TMEM108: variants seen among roughly 807,000 people sequenced by gnomAD.
TMEM108 encodes transmembrane protein 108.
A neutral mutation model predicts 35.1 loss-of-function variants in TMEM108; 12 were observed. The observed-to-expected ratio is 0.34, with a 90% confidence interval of 0.22 to 0.55. The LOEUF is 0.55. Ranked by LOEUF, TMEM108 falls within the 20% of genes least tolerant of loss-of-function variation. The pLI, the probability that TMEM108 is intolerant of heterozygous loss-of-function variation, is 0.89. For missense variants in TMEM108, 680 were observed against 753.3 expected (o/e 0.90, Z 1.14); for synonymous variants, 287 against 308.6 (o/e 0.93, Z 0.73).
intron 2 of TMEM108, among the ~76,000 whole-genome samples, chr3:133,149,899 A>T (rs904719071): frequency 2.0e-5 from 3 of 152,162 alleles, no homozygotes; most frequent in Admixed American, 2.0e-4. Flanking sequence ...CTCAGTGGAC[A>T]CTTAGGTTGT....
chr3:133,082,626 A>G (rs770015348), intron 2 of TMEM108, among the ~76,000 whole-genome samples: 5 of 151,980 alleles, frequency 3.3e-5, no homozygotes, highest in African/African-American at 4.8e-5. Flanking sequence ...TTGTTTGCCA[A>G]GCGCTATTTT....
At chr3:133,395,650 C>T (rs1018244658) in intron 5 of TMEM108, among the ~76,000 whole-genome samples, 1 of 151,834 alleles carries the variant, frequency 6.6e-6, no homozygotes, top group Non-Finnish European at 1.5e-5. Context: ...AAGAACAGCA[C>T]AAAAATTAAA....
intron 2 of TMEM108, among the ~76,000 whole-genome samples, chr3:133,150,223 A>T (rs954321614): frequency 6.6e-6 from 1 of 151,566 alleles, no homozygotes; most frequent in South Asian, 2.1e-4. Context: ...TTTGATTTGC[A>T]TTTCTATGAT....
rs1370529143 is a variant in TMEM108, at chr3:133,362,122, ATGAGGG to A, written c.41-17628_41-17623del. On this transcript the variant is annotated intron_variant, in intron 3 of 5. Coordinates refer to ENST00000321871, the MANE Select transcript of TMEM108 (RefSeq NM_023943.4). ...TGCTTGCCCTTCCTGCTGTGGGGAGATGAGGGTCACAGACCCAAGGATACTTCCAGG... is the reference window on the plus strand; with the variant it reads ...TGCTTGCCCTTCCTGCTGTGGGGAGATCACAGACCCAAGGATACTTCCAGG... Among the ~76,000 whole-genome samples the A allele has an allele frequency of 6.2e-3, 947 of 152,234 alleles. 13 individuals are homozygous for A. Among genetic ancestry groups the A allele is most frequent in the African/African-American group, 0.021 (889 of 41,534 alleles).
intron 3 of TMEM108, chr3:133,247,757 T>C (rs922777001): frequency 6.6e-6 from 1 of 152,228 alleles, no homozygotes; most frequent in Admixed American, 6.5e-5. Context: ...GAATCTACTA[T>C]GTGCTAGGTA....
intron 4 of TMEM108, 66 bp downstream of exon 4, chr3:133,381,227 C>T: frequency 6.7e-7 from 1 of 1,489,292 alleles, no homozygotes; most frequent in Non-Finnish European, 9.0e-7. Context: ...CCCAGCATTC[C>T]TTTGTCCCTG....
chr3:133,217,622 T>C (rs1945928605), intron 2 of TMEM108, among the ~76,000 whole-genome samples: 1 of 152,076 alleles, frequency 6.6e-6, no homozygotes, highest in South Asian at 2.1e-4. Flanking sequence ...GACATAGTAG[T>C]CTAATTTCAT....
At chr3:133,390,440 A>G (rs2073217210) in intron 5 of TMEM108, 106 bp downstream of exon 5, 1 of 1,260,894 alleles carries the variant, frequency 7.9e-7, no homozygotes, top group East Asian at 2.3e-5. Flanking sequence ...CGTATGGCCC[A>G]TGGACCAGCA....
chr3:133,372,652 A>C (rs1191662285), intron 3 of TMEM108, among the ~76,000 whole-genome samples: 1 of 152,212 alleles, frequency 6.6e-6, no homozygotes, highest in Non-Finnish European at 1.5e-5. Flanking sequence ...CCAAAGTACA[A>C]GTCATGGACC....
intron 2 of TMEM108, among the ~76,000 whole-genome samples, chr3:133,059,369 A>G (rs963314850): frequency 6.6e-6 from 1 of 152,042 alleles, no homozygotes; most frequent in African/African-American, 2.4e-5. Context: ...TGCTGGAGTG[A>G]CTTTTTTTTG....
chr3:133,257,584 G>T (rs1946565894), intron 3 of TMEM108, among the ~76,000 whole-genome samples: 1 of 152,112 alleles, frequency 6.6e-6, no homozygotes, highest in African/African-American at 2.4e-5. Flanking sequence ...GAATCTACTT[G>T]TCATTTATTC....
intron 2 of TMEM108, among the ~76,000 whole-genome samples, chr3:133,073,196 G>A (rs990800489): frequency 2.6e-5 from 4 of 151,838 alleles, no homozygotes; most frequent in African/African-American, 4.8e-5. Context: ...CTATAATCAC[G>A]TTGTTGTATA....
At chr3:133,336,735 G>A (rs534458459) in intron 3 of TMEM108, among the ~76,000 whole-genome samples, 9 of 152,144 alleles carry the variant, frequency 5.9e-5, no homozygotes, top group Middle Eastern at 6.8e-3. Context: ...AGAGCAGCAA[G>A]GGGGCTCTTA....
At chr3:133,233,534 T>C (rs974222925) in intron 3 of TMEM108, among the ~76,000 whole-genome samples, 27 of 152,240 alleles carry the variant, frequency 1.8e-4, no homozygotes, top group Non-Finnish European at 4.0e-4. Flanking sequence ...GCATGATTTA[T>C]AATCCTTTGG....
chr3:133,378,276 G>C (rs538672393), intron 3 of TMEM108: 1 of 934,580 alleles, frequency 1.1e-6, no homozygotes, highest in African/African-American at 1.8e-5. Context: ...CACACCAAAC[G>C]GTGATCCTGG....
intron 3 of TMEM108, among the ~76,000 whole-genome samples, chr3:133,288,591 T>A (rs2107693338): frequency 6.6e-6 from 1 of 152,282 alleles, no homozygotes; most frequent in Admixed American, 6.5e-5. Flanking sequence ...GAAAATCACA[T>A]GAAACACTCC....
chr3:133,205,859 G>A (rs895547645), intron 2 of TMEM108, among the ~76,000 whole-genome samples: 17 of 152,102 alleles, frequency 1.1e-4, no homozygotes, highest in African/African-American at 3.4e-4. Context: ...TGCTAGATTG[G>A]GGAAGTTCTC....
intron 2 of TMEM108, among the ~76,000 whole-genome samples, chr3:133,078,953 A>G (rs1350864237): frequency 3.9e-5 from 6 of 152,224 alleles, no homozygotes; most frequent in Admixed American, 3.3e-4. Flanking sequence ...TGCTTAAAAC[A>G]TGATTGCTGC....
intron 2 of TMEM108, among the ~76,000 whole-genome samples, chr3:133,097,387 C>T (rs754814937): frequency 2.0e-5 from 3 of 152,080 alleles, no homozygotes; most frequent in Non-Finnish European, 4.4e-5. Context: ...GTGGTAATTC[C>T]AGAATGCATT....
Sources: allele counts gnomAD v4.1 joint callset (sites outside exome capture counted in the v4.1 genomes callset), GRCh38; gene constraint gnomAD v4.1.1; transcripts MANE v1.5; gene names NCBI Gene and HGNC (gene_info 2026-07-23, HGNC 2026-07-21).